GLB1: variants seen among roughly 807,000 people sequenced by gnomAD.
GLB1 encodes beta-galactosidase.
GLB1 carries 56 observed loss-of-function variants against 74.0 expected under a neutral mutation model. The ratio of observed to expected loss-of-function variants is 0.76; its 90% confidence interval spans 0.61 to 0.94. GLB1 has a LOEUF of 0.94. Ranked by LOEUF, GLB1 falls within the 40% of genes least tolerant of loss-of-function variation. GLB1 has a pLI of 0.00. For missense variants in GLB1, 787 were observed against 845.5 expected (o/e 0.93, Z 0.86); for synonymous variants, 323 against 323.6 (o/e 1.00, Z 0.02).
At chr3:32,973,407 C>T in the GLB1 span, among the ~76,000 whole-genome samples, 1 of 152,172 alleles carries the variant, frequency 6.6e-6, no homozygotes, top group East Asian at 1.9e-4. Context: ...AATCTTGGCT[C>T]ACTGCAACCT....
At position 33,030,930 on chromosome 3, in the gene GLB1, A is replaced by G. The variant is rs9873651; in HGVS notation, c.1069-6605T>C. The stretch of plus-strand genomic sequence containing the variant: ...GTAGGGAAGAGGAGGTCGCTGCCCT[A>G]TATTTTTATGGTTCATCCTCGAGGT... On this transcript the variant is annotated intron_variant, in intron 10 of 15. Transcript: ENST00000307363. 4,120 of 606,516 alleles carry G rather than the reference A, an allele frequency of 6.8e-3. 82 individuals carry two copies. In the East Asian group the frequency reaches 0.071, roughly 11 times the overall value. The allele number at this position is 606,516 out of a possible 1,614,324, so 37.6% of individuals were successfully genotyped here. A position where few individuals can be genotyped will look rare whatever the true frequency, so the allele number is the denominator to read the frequency against.
chr3:32,996,238 C>T (rs763678810), downstream of GLB1, among the ~76,000 whole-genome samples: 1 of 152,210 alleles, frequency 6.6e-6, no homozygotes, highest in Non-Finnish European at 1.5e-5. Flanking sequence ...ATCAGAAACA[C>T]CACATCCTTT....
At chr3:32,963,737 G>A in the GLB1 span, among the ~76,000 whole-genome samples, 2 of 152,264 alleles carry the variant, frequency 1.3e-5, no homozygotes, top group African/African-American at 4.8e-5. Flanking sequence ...TTGAAAACCT[G>A]TAAGTATAAA....
intron 10 of GLB1, among the ~76,000 whole-genome samples, chr3:33,038,403 T>C (rs1698374698): frequency 6.6e-6 from 1 of 152,236 alleles, no homozygotes; most frequent in Admixed American, 6.5e-5. Flanking sequence ...TAAGTAAATC[T>C]CTGAAACTAG....
intron 13 of GLB1, among the ~76,000 whole-genome samples, chr3:33,017,861 G>A (rs986238075): frequency 2.6e-5 from 4 of 152,144 alleles, no homozygotes; most frequent in South Asian, 2.1e-4. Flanking sequence ...GGGAGACCCC[G>A]AAGGCTTCTG....
chr3:33,058,298 TGAG>T, intron 5 of GLB1, 29 bp from the exon 6 acceptor site: 1 of 1,613,584 alleles, frequency 6.2e-7, no homozygotes, highest in Non-Finnish European at 8.5e-7. Flanking sequence ...CAGGGAAAAA[TGAG>T]GAGATCCTAA....
intron 5 of GLB1, among the ~76,000 whole-genome samples, chr3:33,065,139 G>A (rs1035510849): frequency 5.9e-5 from 9 of 152,134 alleles, no homozygotes; most frequent in Non-Finnish European, 1.3e-4. Context: ...CAGAATTAGG[G>A]TGCTATCCTA....
At chr3:33,074,384 G>GAAA (rs1483456254) in intron 1 of GLB1, among the ~76,000 whole-genome samples, 4,204 of 121,798 alleles carry the variant, frequency 0.035, 870 homozygotes, top group Non-Finnish European at 0.049. Context: ...AAGGAAGGAA[G>GAAA]GAAGGAAGAA....
intron 11 of GLB1, among the ~76,000 whole-genome samples, chr3:33,022,287 AT>A (rs1310385554): frequency 6.6e-6 from 1 of 152,156 alleles, no homozygotes; most frequent in East Asian, 1.9e-4. Context: ...AATACAAAGG[AT>A]TGTGTATTCT....
At chr3:33,034,816 C>T in intron 10 of GLB1, 2 of 599,978 alleles carry the variant, frequency 3.3e-6, no homozygotes, top group Admixed American at 3.8e-5. Flanking sequence ...AGTGACAAGA[C>T]AGGCAGAGCC....
chr3:33,065,614 T>C lies in GLB1; in HGVS notation c.458-57A>G, dbSNP rs547126485. 43 of 1,541,392 alleles carry C rather than the reference T, an allele frequency of 2.8e-5. No individual in the cohort carries two copies. In the South Asian group the frequency reaches 5.0e-4, roughly 18 times the overall value. ...GTCCAACCCCAGCCTGTAAGCCACA[T>C]GCAGCCCAGGATGGCTTTGAATGTG... is the stretch of plus-strand genomic sequence containing the variant. On this transcript the variant is annotated intron_variant, in intron 4 of 15. Transcript: ENST00000307363.
chr3:33,023,080 T>C (rs1005229895), intron 11 of GLB1, among the ~76,000 whole-genome samples: 3 of 152,240 alleles, frequency 2.0e-5, no homozygotes, highest in Non-Finnish European at 2.9e-5. Flanking sequence ...TTCAACTGTA[T>C]ATATTTATTT....
intron 2 of GLB1, among the ~76,000 whole-genome samples, chr3:33,070,718 C>G (rs576891870): frequency 6.6e-6 from 1 of 152,106 alleles, no homozygotes; most frequent in Non-Finnish European, 1.5e-5. Context: ...GGTGTGGTAG[C>G]AGTGCCTGTA....
At chr3:33,034,548 G>A (rs1245368325) in intron 10 of GLB1, 1 of 726,868 alleles carries the variant, frequency 1.4e-6, no homozygotes, top group African/African-American at 1.7e-5. Context: ...AGCTGCTCCT[G>A]GGATGGTCGT....
intron 5 of GLB1, among the ~76,000 whole-genome samples, chr3:33,063,838 G>A (rs2125540929): frequency 6.6e-6 from 1 of 152,192 alleles, no homozygotes; most frequent in Admixed American, 6.5e-5. Flanking sequence ...GGCACGTGGG[G>A]TGACTCACAC....
intron 1 of GLB1, chr3:33,096,787 A>G: frequency 2.2e-6 from 3 of 1,343,046 alleles, no homozygotes; most frequent in Non-Finnish European, 2.9e-6. Flanking sequence ...AGCGGAACGC[A>G]CAAGCGACCG....
intron 1 of GLB1, among the ~76,000 whole-genome samples, chr3:33,073,295 GA>G (rs1284379968): frequency 6.6e-6 from 1 of 152,080 alleles, no homozygotes; most frequent in Non-Finnish European, 1.5e-5. Flanking sequence ...TAGACTAAAA[GA>G]ACTTTAAGGC....
At chr3:32,965,555 C>T in the GLB1 span, among the ~76,000 whole-genome samples, 33 of 151,790 alleles carry the variant, frequency 2.2e-4, no homozygotes, top group Admixed American at 9.2e-4. Flanking sequence ...GAAAATTTGC[C>T]GACTGATGAT....
At chr3:33,031,982 G>C (rs913541178) in intron 10 of GLB1, among the ~76,000 whole-genome samples, 4 of 151,958 alleles carry the variant, frequency 2.6e-5, no homozygotes, top group Non-Finnish European at 5.9e-5. Context: ...ATTTTTAGTA[G>C]AGATGGAGTA....
Sources: allele counts gnomAD v4.1 joint callset (sites outside exome capture counted in the v4.1 genomes callset), GRCh38; gene constraint gnomAD v4.1.1; transcripts MANE v1.5; gene names NCBI Gene and HGNC (gene_info 2026-07-23, HGNC 2026-07-21).